PDE5A: variants seen among roughly 807,000 people sequenced by gnomAD.
The protein encoded by PDE5A is phosphodiesterase 5A.
In PDE5A, 67 loss-of-function variants were observed where a neutral mutation model predicts 110.2. The observed-to-expected ratio is 0.61, with a 90% CI of 0.50 to 0.75. The LOEUF is 0.75. PDE5A is among the 30% of genes least tolerant of loss of function. PDE5A has a pLI of 0.00. For missense variants in PDE5A, 862 were observed against 1,045.1 expected, an observed-to-expected ratio of 0.82 and a Z score of 2.42; for synonymous variants, 328 against 351.2, an observed-to-expected ratio of 0.93 and a Z score of 0.74.
intron 1 of PDE5A, among the ~76,000 whole-genome samples, chr4:119,625,883 A>T (rs1249505155): frequency 6.6e-6 from 1 of 152,206 alleles, no homozygotes; most frequent in Non-Finnish European, 1.5e-5. Context: ...AATGCCACCA[A>T]ATATAAAACC....
At chr4:119,554,851 T>C (rs1480934) in intron 7 of PDE5A, among the ~76,000 whole-genome samples, 40,552 of 152,136 alleles carry the variant, frequency 0.27, 5,893 homozygotes, top group South Asian at 0.36. Flanking sequence ...TGGATGTGCA[T>C]AGGTTATAGG....
At position 119,521,014 on chromosome 4, in the gene PDE5A, T is replaced by C; in HGVS notation, c.1826A>G (p.Asn609Ser). The C allele has an allele frequency of 6.2e-7, 1 of 1,613,004 alleles. No individual in the cohort carries two copies. The highest frequency in any genetic ancestry group is 8.5e-7 in the Non-Finnish European group (1 of 1,179,154). Reference protein sequence around the residue: ...ILSVKKNYRKNVAYHNWRHAF... With the variant: ...ILSVKKNYRKSVAYHNWRHAF... The stretch of plus-strand genomic sequence containing the variant: ...ATGTCTCCAATTATGATAGGCAACA[T>C]TCTTCCGATAATTCTTCTTAACACT... Residue 609 changes from asparagine (N) to serine (S), a missense_variant, in exon 13 of 21, where the codon AAT becomes AGT. Asn to Ser is a conservative substitution (Grantham distance 46). Coordinates refer to ENST00000354960, the MANE Select transcript of PDE5A (RefSeq NM_001083.4).
chr4:119,498,607 C>G lies in PDE5A; in HGVS notation c.2622G>C (p.Arg874=), dbSNP rs951380278. The change falls in exon 21 of 21, where the codon CGG becomes CGC. Residue 874 remains arginine, a synonymous_variant. Coordinates refer to ENST00000354960, the MANE Select transcript of PDE5A (RefSeq NM_001083.4). ...LINGESGQAK[R]N ...TCTGCATGAAATAGGCCACTCAGTT[C>G]CGCTTGGCCTGGCCGCTTTCCCCAT... 2.5e-6 allele frequency: 4 copies of G among 1,613,974 alleles called. No individual in the cohort carries two copies. The highest frequency in any genetic ancestry group is 8.5e-7 in the Non-Finnish European group (1 of 1,179,910).
At chr4:119,541,063 G>A (rs1726909171) in intron 10 of PDE5A, among the ~76,000 whole-genome samples, 1 of 152,060 alleles carries the variant, frequency 6.6e-6, no homozygotes, top group African/African-American at 2.4e-5. Flanking sequence ...CCAGTGGGAG[G>A]GGAAGGGAAG....
intron 3 of PDE5A, among the ~76,000 whole-genome samples, chr4:119,587,441 T>C (rs982482235): frequency 3.3e-5 from 5 of 151,350 alleles, no homozygotes; most frequent in Non-Finnish European, 5.9e-5. Flanking sequence ...CGGACTGCAG[T>C]GGCACAATCT....
chr4:119,555,733 A>C (rs1727514153), intron 7 of PDE5A, among the ~76,000 whole-genome samples: 1 of 152,130 alleles, frequency 6.6e-6, no homozygotes, highest in African/African-American at 2.4e-5. Flanking sequence ...AGAGTTCATA[A>C]ATTCAGACTT....
chr4:119,547,663 G>A (rs1202380198), intron 9 of PDE5A, among the ~76,000 whole-genome samples: 3 of 151,966 alleles, frequency 2.0e-5, no homozygotes, highest in Non-Finnish European at 4.4e-5. Flanking sequence ...TTTCTAAAAT[G>A]CTGTAATTTA....
chr4:119,539,997 A>G (rs1726868783), intron 10 of PDE5A, among the ~76,000 whole-genome samples: 3 of 152,280 alleles, frequency 2.0e-5, no homozygotes, highest in South Asian at 4.1e-4. Context: ...GCAAAATACA[A>G]AACACTTCTG....
intron 1 of PDE5A, among the ~76,000 whole-genome samples, chr4:119,613,090 A>C (rs1314336904): frequency 1.3e-5 from 2 of 152,198 alleles, no homozygotes; most frequent in Admixed American, 1.3e-4. Context: ...TAATTCAAAA[A>C]ACTAGTTTAG....
intron 14 of PDE5A, among the ~76,000 whole-genome samples, chr4:119,514,539 A>G (rs554498178): frequency 6.6e-6 from 1 of 151,004 alleles, no homozygotes; most frequent in East Asian, 2.0e-4. Flanking sequence ...AAATATTCAT[A>G]ATGATGATTC....
intron 3 of PDE5A, among the ~76,000 whole-genome samples, chr4:119,575,330 A>T (rs1728294299): frequency 6.6e-6 from 1 of 152,194 alleles, no homozygotes; most frequent in Admixed American, 6.5e-5. Flanking sequence ...CAGGAAATAC[A>T]GAGAACGCCA....
At chr4:119,593,004 G>T (rs1729032384) in intron 3 of PDE5A, among the ~76,000 whole-genome samples, 1 of 62,504 alleles carries the variant, frequency 1.6e-5, no homozygotes, top group Admixed American at 2.2e-4. Flanking sequence ...CTAAGAGTGG[G>T]GTTACATATT....
chr4:119,510,245 T>C (rs1356380650), intron 15 of PDE5A, among the ~76,000 whole-genome samples: 3 of 152,078 alleles, frequency 2.0e-5, no homozygotes, highest in Non-Finnish European at 2.9e-5. Flanking sequence ...CTTTTACTTA[T>C]AAAATAGTGA....
chr4:119,545,152 T>C (rs1365113296), intron 9 of PDE5A, among the ~76,000 whole-genome samples: 1 of 152,138 alleles, frequency 6.6e-6, no homozygotes, highest in Non-Finnish European at 1.5e-5. Flanking sequence ...CATTGATCTC[T>C]TTACACTCTT....
intron 2 of PDE5A, among the ~76,000 whole-genome samples, chr4:119,605,296 A>T (rs1729487944): frequency 6.6e-6 from 1 of 151,964 alleles, no homozygotes; most frequent in Admixed American, 6.6e-5. Flanking sequence ...ACAAATCTCA[A>T]TTTATTCAAT....
At chr4:119,557,583 A>T (rs1395232457) in intron 7 of PDE5A, among the ~76,000 whole-genome samples, 2 of 150,082 alleles carry the variant, frequency 1.3e-5, no homozygotes, top group Non-Finnish European at 3.0e-5. Context: ...AAAGACAAAT[A>T]AAAAAAAAAT....
intron 3 of PDE5A, among the ~76,000 whole-genome samples, chr4:119,567,751 A>G (rs1248639199): frequency 6.6e-6 from 1 of 152,144 alleles, no homozygotes; most frequent in Non-Finnish European, 1.5e-5. Flanking sequence ...ACAGGAATTA[A>G]CATGCTGAGG....
chr4:119,578,098 G>C (rs1196580604), intron 3 of PDE5A, among the ~76,000 whole-genome samples: 1 of 152,100 alleles, frequency 6.6e-6, no homozygotes, highest in Non-Finnish European at 1.5e-5. Flanking sequence ...TTGCTTCAAA[G>C]AGAATAAAAT....
At chr4:119,617,286 T>C (rs1729974802) in intron 1 of PDE5A, among the ~76,000 whole-genome samples, 1 of 152,100 alleles carries the variant, frequency 6.6e-6, no homozygotes, top group Admixed American at 6.6e-5. Flanking sequence ...TCTAGAAGTA[T>C]TAAATAGGAC....
Sources: gnomAD v4.1 joint callset for allele counts (sites outside exome capture counted in the v4.1 genomes callset) on GRCh38, gnomAD v4.1.1 for gene constraint, MANE v1.5 for transcripts, NCBI Gene and HGNC (gene_info 2026-07-23, HGNC 2026-07-21) for gene names.